Variants in NOS1 observed in about 807,000 individuals in gnomAD.
NOS1 encodes NOS type I.
A neutral mutation model predicts 164.5 loss-of-function variants in NOS1; 51 were observed. The ratio of observed to expected loss-of-function variants is 0.31; its 90% CI spans 0.25 to 0.39. The LOEUF is 0.39. Ranked by LOEUF, NOS1 falls within the 10% of genes least tolerant of loss-of-function variation. NOS1 has a pLI of 1.00. For synonymous variants in NOS1, 719 were observed against 745.8 expected (o/e 0.96, Z 0.59); for missense variants, 1,362 against 1,885.6 (o/e 0.72, Z 5.14).
chr12:117,312,449 C>A (rs1380351610), intron 2 of NOS1, among the ~76,000 whole-genome samples: 1 of 152,070 alleles, frequency 6.6e-6, no homozygotes, highest in Non-Finnish European at 1.5e-5. Flanking sequence ...CCAGCCTTGT[C>A]CTGTCATCCC....
chr12:117,216,009 C>G (rs927796378), intron 28 of NOS1, among the ~76,000 whole-genome samples: 9 of 149,868 alleles, frequency 6.0e-5, no homozygotes, highest in African/African-American at 2.2e-4. Flanking sequence ...TCCTGAGTAG[C>G]TGGGATTATA....
rs376187383 is a variant in NOS1, at chr12:117,321,348, A to C, written c.725+8997T>G. On this transcript the variant is annotated intron_variant, in intron 2 of 28. Transcript: ENST00000317775. ...TTTCTCATCTCTGATATGATTCTCC[A>C]AGGGCAGAGGTTCACCATGGAATTC... Among the ~76,000 whole-genome samples the C allele has an allele frequency of 1.2e-4, 19 of 152,276 alleles. No individual in the cohort carries two copies. The East Asian group carries it at 3.7e-3, about 29-fold the overall frequency.
rs764376207 is a variant in NOS1, at chr12:117,234,723, C to T, written c.3077G>A (p.Gly1026Glu). Residue 1026 changes from glycine (G) to glutamate (E), a missense_variant, in exon 21 of 29, where the codon GGG becomes GAG. Coordinates refer to ENST00000317775, the MANE Select transcript of NOS1 (RefSeq NM_000620.5). This position sits in a 1 kb window ranked among gnomAD's most constrained non-coding sequence, Gnocchi z 4.3. ...AGGCTGGTACTGCAGCTCCTGGCTC[C>T]CGTTGGTGTGGAGACGCACGAAGAT... ...STIFVRLHTN[G>E]SQELQYQPGD... 5.0e-6 allele frequency: 8 copies of T among 1,613,440 alleles called. No homozygotes were observed. In the African/African-American group the frequency reaches 9.3e-5, roughly 19 times the overall value.
intron 7 of NOS1, among the ~76,000 whole-genome samples, chr12:117,283,583 G>A (rs1362712164): frequency 4.6e-5 from 7 of 152,110 alleles, no homozygotes; most frequent in East Asian, 1.9e-4. Flanking sequence ...GAGACTAGGC[G>A]TGGTGGCTCA....
intron 15 of NOS1, 145 bp from the exon 16 acceptor site, chr12:117,258,600 TGG>T: frequency 1.3e-6 from 1 of 771,448 alleles, no homozygotes; most frequent in Non-Finnish European, 2.2e-6. Context: ...GGGCTCAGGC[TGG>T]ACAGTAATGC....
rs116498586 is a variant in NOS1 at position 117,232,061 on chromosome 12, G to A, written c.3306C>T (p.Tyr1102=). Reference sequence around the variant, plus strand: ...GCGTTGGTGGCGTGGTGATGTCCAGGTAGTACTTGAAGGCCTGGAAGATGG... The same window carrying A: ...GCGTTGGTGGCGTGGTGATGTCCAGATAGTACTTGAAGGCCTGGAAGATGG... ...PCTIFQAFKY[Y]LDITTPPTPL... is the part of the protein sequence containing the mutation. Residue 1102 remains tyrosine (Y), a synonymous_variant, in exon 22 of 29, where the codon TAC becomes TAT. Coordinates refer to ENST00000317775, the MANE Select transcript of NOS1 (RefSeq NM_000620.5). The A allele has an allele frequency of 1.7e-4, 279 of 1,612,406 alleles. No individual in the cohort carries two copies. The African/African-American group carries it at 3.3e-3, about 19-fold the overall frequency.
At position 117,225,050 on chromosome 12, in the gene NOS1, G is replaced by A; in HGVS notation, c.3792C>T (p.Phe1264=). The part of the protein sequence containing the change: ...PGTGIAPFRS[F]WQQRQFDIQH... ...GGATATCAAATTGCCGCTGTTGCCA[G>A]AAGCTTCGGAAAGGGGCAATGCCGG... Residue 1264 remains phenylalanine, a synonymous_variant, in exon 25 of 29, where the codon TTC becomes TTT. Coordinates refer to ENST00000317775, the MANE Select transcript of NOS1 (RefSeq NM_000620.5). The A allele has an allele frequency of 6.2e-7, 1 of 1,614,242 alleles. No individual in the cohort carries two copies. Among genetic ancestry groups the A allele is most frequent in the East Asian group, 2.2e-5 (1 of 44,882 alleles).
At chr12:117,345,774 T>C (rs1371126657) in intron 1 of NOS1, among the ~76,000 whole-genome samples, 3 of 151,802 alleles carry the variant, frequency 2.0e-5, no homozygotes, top group Non-Finnish European at 4.4e-5. Context: ...GCAGGAGGAT[T>C]ATTGAGCCCA....
At chr12:117,332,567 T>G in intron 1 of NOS1, among the ~76,000 whole-genome samples, 1 of 151,352 alleles carries the variant, frequency 6.6e-6, no homozygotes, top group Non-Finnish European at 1.5e-5. Flanking sequence ...TCTCTATTTA[T>G]TTAAAAAAAA....
chr12:117,214,572 G>A lies in NOS1; in HGVS notation c.*737C>T, dbSNP rs540980351. 111 of 985,318 alleles carry A rather than the reference G, an allele frequency of 1.1e-4. No homozygotes were observed. The highest frequency in any genetic ancestry group is 1.1e-3 in the African/African-American group (61 of 57,296). The allele number at this position is 985,318 out of a possible 1,614,324, so 61.0% of individuals were successfully genotyped here. On this transcript the variant is annotated 3_prime_UTR_variant, in exon 29 of 29. Transcript: ENST00000317775. ...CAAAATCTAAATGCAGCAAATTCTGGGAATGCCTCTTTCATTGGGAGACAG... is the reference window on the plus strand; with the variant it reads ...CAAAATCTAAATGCAGCAAATTCTGAGAATGCCTCTTTCATTGGGAGACAG...
At chr12:117,277,438 G>A (rs1873276874) in intron 9 of NOS1, among the ~76,000 whole-genome samples, 1 of 151,446 alleles carries the variant, frequency 6.6e-6, no homozygotes, top group Non-Finnish European at 1.5e-5. Context: ...CACAAAAATT[G>A]GCCAAGCATG....
At chr12:117,333,811 C>A (rs1174714423) in intron 1 of NOS1, among the ~76,000 whole-genome samples, 1 of 152,172 alleles carries the variant, frequency 6.6e-6, no homozygotes, top group Non-Finnish European at 1.5e-5. Context: ...GGAAACCCAT[C>A]CAGGACCGCT....
At chr12:117,281,000 G>T in intron 7 of NOS1, 134 bp from the exon 8 acceptor site, 3 of 934,842 alleles carry the variant, frequency 3.2e-6, no homozygotes, top group Middle Eastern at 3.0e-4. Context: ...GGTCCCCAGG[G>T]CCAATGGAGC....
intron 8 of NOS1, among the ~76,000 whole-genome samples, chr12:117,280,437 T>C (rs981966134): frequency 3.9e-5 from 6 of 152,158 alleles, no homozygotes; most frequent in Non-Finnish European, 5.9e-5. Flanking sequence ...CATTTGGCAG[T>C]CTTGAGTAAC....
chr12:117,346,432 C>G (rs1876352975), intron 1 of NOS1, among the ~76,000 whole-genome samples: 1 of 152,212 alleles, frequency 6.6e-6, no homozygotes. Flanking sequence ...GATCACACCA[C>G]TGCACTCCAG....
intron 3 of NOS1, chr12:117,301,903 T>C (rs955700075): frequency 4.6e-6 from 2 of 432,064 alleles, no homozygotes; most frequent in Non-Finnish European, 9.4e-6. Flanking sequence ...TTTAGCCAAA[T>C]AAGAACAATA....
rs556029113 is a variant in NOS1, at chr12:117,226,688, C to T, written c.3699G>A (p.Val1233=). Residue 1233 remains valine, a synonymous_variant, in exon 24 of 29, where the codon GTG becomes GTA. Coordinates refer to ENST00000317775, the MANE Select transcript of NOS1 (RefSeq NM_000620.5). ...IQADELVPCF[V]RGAPSFHLPR... ...TTTCTCCACTTATTACTCACCCTCT[C>T]ACGAAACAGGGGACCAGTTCGTCAG... The T allele has an allele frequency of 9.3e-6, 15 of 1,613,902 alleles. No individual in the cohort carries two copies. In the East Asian group the frequency reaches 3.1e-4, roughly 34 times the overall value.
intron 20 of NOS1, among the ~76,000 whole-genome samples, chr12:117,239,660 G>C (rs922662705): frequency 2.6e-5 from 4 of 151,922 alleles, no homozygotes; most frequent in Non-Finnish European, 4.4e-5. Flanking sequence ...CCTCAGGCGG[G>C]AGAAAAACAG....
At chr12:117,251,620 A>G (rs1311448225) in intron 17 of NOS1, among the ~76,000 whole-genome samples, 1 of 146,844 alleles carries the variant, frequency 6.8e-6, no homozygotes, top group African/African-American at 2.5e-5. Flanking sequence ...TTGTAGACAC[A>G]GGGTCCCAAT....
Sources: gnomAD v4.1 joint callset for allele counts (sites outside exome capture counted in the v4.1 genomes callset) on GRCh38, gnomAD v4.1.1 for gene constraint, Gnocchi (gnomAD v3.1) non-coding constraint, MANE v1.5 for transcripts, NCBI Gene and HGNC (gene_info 2026-07-23, HGNC 2026-07-21) for gene names.